The following SHISA9 variants were observed in gnomAD, a reference collection of about 807,000 sequenced individuals.
SHISA9 encodes shisa family member 9.
A neutral mutation model predicts 38.0 loss-of-function variants in SHISA9; 13 were observed. The observed-to-expected ratio is 0.34, with a 90% CI of 0.22 to 0.54. The LOEUF (loss-of-function observed/expected upper bound fraction) is 0.54. SHISA9 is among the 20% of genes least tolerant of loss of function. SHISA9 has a pLI of 0.91. For synonymous variants in SHISA9, 275 were observed against 242.0 expected, an observed-to-expected ratio of 1.14 and a Z score of -1.27; for missense variants, 538 against 575.8, an observed-to-expected ratio of 0.93 and a Z score of 0.67.
At chr16:13,451,684 C>G in the SHISA9 span, among the ~76,000 whole-genome samples, 2 of 152,160 alleles carry the variant, frequency 1.3e-5, no homozygotes, top group East Asian at 3.9e-4. Flanking sequence ...TGGGAAAATG[C>G]TTTGCACATT....
chr16:13,003,845 G>C (rs923901663), intron 2 of SHISA9, among the ~76,000 whole-genome samples: 28 of 148,236 alleles, frequency 1.9e-4, no homozygotes, highest in Admixed American at 1.5e-3. Flanking sequence ...ACGACAGAGC[G>C]AGACTCCGTC....
At chr16:13,306,633 C>G in the SHISA9 span, among the ~76,000 whole-genome samples, 6 of 152,166 alleles carry the variant, frequency 3.9e-5, no homozygotes, top group Admixed American at 3.3e-4. Context: ...CAAGATGATT[C>G]ACATGGCTAT....
At chr16:13,285,212 C>T in the SHISA9 span, among the ~76,000 whole-genome samples, 1 of 152,082 alleles carries the variant, frequency 6.6e-6, no homozygotes. Context: ...TGTGATGGCT[C>T]AATAAGTTAC....
At chr16:13,246,878 G>T in the SHISA9 span, among the ~76,000 whole-genome samples, 5,254 of 151,778 alleles carry the variant, frequency 0.035, 295 homozygotes, top group African/African-American at 0.12. Context: ...GTTATCCGTT[G>T]CCATCATCAT....
chr16:12,965,064 T>G (rs1034731795), intron 2 of SHISA9, among the ~76,000 whole-genome samples: 1 of 152,046 alleles, frequency 6.6e-6, no homozygotes, highest in African/African-American at 2.4e-5. Flanking sequence ...CATATATATA[T>G]GTATATACCT....
intron 2 of SHISA9, among the ~76,000 whole-genome samples, chr16:12,990,297 C>T (rs2072368182): frequency 6.6e-6 from 1 of 152,024 alleles, no homozygotes; most frequent in Non-Finnish European, 1.5e-5. Flanking sequence ...GGGCATATAC[C>T]CAGTAACAGG....
At chr16:13,121,468 A>G (rs1025038922) in intron 2 of SHISA9, among the ~76,000 whole-genome samples, 3 of 152,178 alleles carry the variant, frequency 2.0e-5, no homozygotes, top group Non-Finnish European at 2.9e-5. Flanking sequence ...CTTCAGCTTG[A>G]GTGGCAGAGC....
chr16:13,187,377 C>T (rs1200715481), intron 2 of SHISA9, among the ~76,000 whole-genome samples: 3 of 143,834 alleles, frequency 2.1e-5, no homozygotes, highest in East Asian at 4.0e-4. Flanking sequence ...CTCTATCACC[C>T]AGGCTGGAGT....
At chr16:13,362,259 CA>C in the SHISA9 span, among the ~76,000 whole-genome samples, 5 of 138,642 alleles carry the variant, frequency 3.6e-5, no homozygotes, top group African/African-American at 1.1e-4. Context: ...ACAGCAACAA[CA>C]AAAAAAACCC....
chr16:13,397,048 C>T, the SHISA9 span, among the ~76,000 whole-genome samples: 3 of 152,220 alleles, frequency 2.0e-5, no homozygotes, highest in Admixed American at 6.5e-5. Context: ...TGATGATCCA[C>T]TTCCACTTAT....
intron 2 of SHISA9, among the ~76,000 whole-genome samples, chr16:13,188,682 A>T (rs2050852681): frequency 7.0e-6 from 1 of 142,800 alleles, no homozygotes; most frequent in African/African-American, 2.6e-5. Context: ...GCGCCACTGC[A>T]CTGCAGCCTG....
intron 2 of SHISA9, among the ~76,000 whole-genome samples, chr16:12,939,089 C>G (rs1441567003): frequency 1.3e-5 from 2 of 151,680 alleles, no homozygotes; most frequent in Non-Finnish European, 2.9e-5. Context: ...CTCTCCTCTC[C>G]TTTTCTTTCC....
chr16:13,073,692 G>A (rs2073545881), intron 2 of SHISA9, among the ~76,000 whole-genome samples: 1 of 152,076 alleles, frequency 6.6e-6, no homozygotes, highest in Non-Finnish European at 1.5e-5. Context: ...TATGAGATGA[G>A]GTTATCCTGG....
the SHISA9 span, among the ~76,000 whole-genome samples, chr16:13,251,085 G>A: frequency 1.2e-4 from 18 of 152,184 alleles, no homozygotes; most frequent in South Asian, 4.2e-4. Context: ...CCCCCACCCC[G>A]TCTTCCTGCA....
chr16:13,169,807 T>A (rs2050669510), intron 2 of SHISA9, among the ~76,000 whole-genome samples: 1 of 152,180 alleles, frequency 6.6e-6, no homozygotes, highest in Admixed American at 6.5e-5. Flanking sequence ...CAGCTTCGGA[T>A]CACTCTCTTC....
chr16:13,005,762 G>A (rs1669653112), intron 2 of SHISA9, among the ~76,000 whole-genome samples: 1 of 152,204 alleles, frequency 6.6e-6, no homozygotes, highest in East Asian at 1.9e-4. Context: ...TGGCTAGAGA[G>A]TAGGGGAGGA....
intron 2 of SHISA9, among the ~76,000 whole-genome samples, chr16:13,038,417 G>C (rs2073098263): frequency 6.6e-6 from 1 of 152,092 alleles, no homozygotes; most frequent in East Asian, 1.9e-4. Context: ...CTCTTCTCTG[G>C]CTCCAGCCTC....
intron 2 of SHISA9, among the ~76,000 whole-genome samples, chr16:12,954,501 T>C (rs1255297784): frequency 6.6e-6 from 1 of 152,190 alleles, no homozygotes; most frequent in African/African-American, 2.4e-5. Context: ...GAGGGTTTGA[T>C]GGAGGACAGG....
chr16:13,118,791 G>C (rs204040), intron 2 of SHISA9, among the ~76,000 whole-genome samples: 1 of 148,964 alleles, frequency 6.7e-6, no homozygotes, highest in Non-Finnish European at 1.5e-5. Flanking sequence ...ATGCAATGGC[G>C]TGATCTCAGC....
Sources: gnomAD v4.1 joint callset for allele counts (sites outside exome capture counted in the v4.1 genomes callset) on GRCh38, gnomAD v4.1.1 for gene constraint, MANE v1.5 for transcripts, NCBI Gene and HGNC (gene_info 2026-07-23, HGNC 2026-07-21) for gene names.